The following MALRD1 variants were observed in gnomAD, a reference collection of about 807,000 sequenced individuals.
MALRD1 encodes MAM and LDL receptor class A domain containing 1, also known as MAM and LDL-receptor class A domain-containing protein 1.
MALRD1 carries 247 observed loss-of-function variants against 242.1 expected under a neutral mutation model. The observed-to-expected ratio is 1.02, with a 90% CI of 0.92 to 1.13. The LOEUF (loss-of-function observed/expected upper bound fraction) is 1.13. MALRD1 is among the 50% of genes most tolerant of loss of function. The pLI, the probability that MALRD1 is intolerant of heterozygous loss-of-function variation, is 0.00. For missense variants in MALRD1, 2,989 were observed against 2,533.1 expected (o/e 1.18, Z -3.86); for synonymous variants, 995 against 866.6 (o/e 1.15, Z -2.60).
chr10:19,318,910 A>G (rs1303060684), intron 21 of MALRD1, among the ~76,000 whole-genome samples: 1 of 151,984 alleles, frequency 6.6e-6, no homozygotes, highest in East Asian at 1.9e-4. Flanking sequence ...GGGATATTTT[A>G]TCCAGTTCTA....
rs536451467 is a variant in MALRD1, at chr10:19,124,688, A to T, written c.943+18A>T. The T allele has an allele frequency of 2.1e-5, 26 of 1,232,954 alleles. No individual in the cohort carries two copies. The African/African-American group carries it at 3.6e-4, about 17-fold the overall frequency. The allele number at this position is 1,232,954 out of a possible 1,614,324, so 76.4% of individuals were successfully genotyped here. On this transcript the variant is annotated intron_variant, in intron 7 of 39. Coordinates refer to ENST00000454679, the MANE Select transcript of MALRD1 (RefSeq NM_001142308.3). ...TGATGAAGGTAGAAAAAAAAATAAT[A>T]TCTTTTATGTATTACTTTCAGAATT...
At chr10:19,118,847 G>A (rs867101044) in intron 5 of MALRD1, among the ~76,000 whole-genome samples, 18 of 152,244 alleles carry the variant, frequency 1.2e-4, no homozygotes, top group South Asian at 1.0e-3. Context: ...GAGGAAAGAG[G>A]CCTTGGTTTA....
intron 5 of MALRD1, among the ~76,000 whole-genome samples, chr10:19,117,446 G>GTTT (rs57094687): frequency 6.9e-6 from 1 of 144,156 alleles, no homozygotes; most frequent in South Asian, 2.2e-4. Context: ...GTACTTCTGG[G>GTTT]TTTTTTTTTT....
Position 19,171,681 on chromosome 10 carries a change from C to CAT in MALRD1, c.1831-3522_1831-3521dup, listed in dbSNP as rs1453637764. On this transcript the variant is annotated intron_variant, in intron 13 of 39. Transcript: ENST00000454679. ...GTCTATGTGTGTATATAAATACACA[C>CAT]ATATATGTGTGTATGTGTGTGTATA... Among the ~76,000 whole-genome samples the CAT allele has an allele frequency of 1.2e-4, 17 of 138,166 alleles. 1 individual carries two copies. The South Asian group carries it at 3.1e-3, about 25-fold the overall frequency. 90.6% of individuals were successfully genotyped at this position (138,166 alleles called of 152,430 possible).
intron 18 of MALRD1, among the ~76,000 whole-genome samples, chr10:19,240,594 C>T (rs1257839183): frequency 6.6e-6 from 1 of 152,020 alleles, no homozygotes; most frequent in African/African-American, 2.4e-5. Context: ...CTCTGACCTC[C>T]AGTACTATGC....
At chr10:19,668,185 C>T (rs1841760655) in intron 36 of MALRD1, among the ~76,000 whole-genome samples, 1 of 152,162 alleles carries the variant, frequency 6.6e-6, no homozygotes. Context: ...TTCCCATTTT[C>T]ATATTTATTG....
chr10:19,474,015 G>A (rs954355188), intron 29 of MALRD1, among the ~76,000 whole-genome samples: 3 of 151,888 alleles, frequency 2.0e-5, no homozygotes, highest in Non-Finnish European at 4.4e-5. Flanking sequence ...TTTTTTCGTA[G>A]TAGTCATTCC....
intron 28 of MALRD1, among the ~76,000 whole-genome samples, chr10:19,429,430 G>GT (rs1414086881): frequency 6.6e-6 from 1 of 152,110 alleles, no homozygotes; most frequent in Non-Finnish European, 1.5e-5. Context: ...CGGGCGTGGT[G>GT]GTGCACACCT....
In MALRD1 at chr10:19,568,921, G is replaced by A. The variant is rs145602604; in HGVS notation, c.5680+1218G>A. ...GCACATGTTAGTACATTTATTTATC[G>A]GCACACCTCTGTAGATTCTAGATAC... On this transcript the variant is annotated intron_variant, in intron 33 of 39. Coordinates refer to ENST00000454679, the MANE Select transcript of MALRD1 (RefSeq NM_001142308.3). Among the ~76,000 whole-genome samples, 45 of 151,886 alleles carry A rather than the reference G, an allele frequency of 3.0e-4. No homozygotes were observed. The East Asian group carries it at 7.2e-3, about 24-fold the overall frequency.
chr10:19,445,872 T>C (rs1361561080), intron 28 of MALRD1, among the ~76,000 whole-genome samples: 6 of 152,216 alleles, frequency 3.9e-5, no homozygotes, highest in African/African-American at 1.4e-4. Flanking sequence ...CTGCCTTTTG[T>C]TCAGCTATGC....
intron 28 of MALRD1, among the ~76,000 whole-genome samples, chr10:19,394,642 G>A (rs1163115404): frequency 3.3e-5 from 5 of 152,116 alleles, no homozygotes; most frequent in South Asian, 2.1e-4. Flanking sequence ...TCCTCTGCAC[G>A]CATATTCACC....
intron 33 of MALRD1, among the ~76,000 whole-genome samples, chr10:19,584,672 G>A (rs1272124592): frequency 6.6e-6 from 1 of 151,694 alleles, no homozygotes; most frequent in South Asian, 2.1e-4. Context: ...GAATAGGTGT[G>A]GTGTGGTGCT....
At position 19,360,078 on chromosome 10, in the gene MALRD1, TATTATA is replaced by T. The variant is rs564886548; in HGVS notation, c.4441+7790_4441+7795del. Among the ~76,000 whole-genome samples, 57 of 152,206 alleles carry T rather than the reference TATTATA, an allele frequency of 3.7e-4. No homozygotes were observed. In the South Asian group the frequency reaches 0.011, roughly 29 times the overall value. On this transcript the variant is annotated intron_variant, in intron 26 of 39. Transcript: ENST00000454679. ...TTAAAAAGAGAAAAATTAAAATAATTATTATAATTATAATGGGAAATTGCCTCTAGG... is the reference window on the plus strand; with the variant it reads ...TTAAAAAGAGAAAAATTAAAATAATTATTATAATGGGAAATTGCCTCTAGG...
chr10:19,704,128 A>AT (rs34258741), intron 38 of MALRD1, among the ~76,000 whole-genome samples: 67,079 of 151,482 alleles, frequency 0.44, 15,022 homozygotes, highest in Non-Finnish European at 0.47. Flanking sequence ...AAAAATCAGA[A>AT]TTTTTTTTTA....
chr10:19,294,464 T>G (rs922873036), intron 21 of MALRD1, among the ~76,000 whole-genome samples: 2 of 152,182 alleles, frequency 1.3e-5, no homozygotes, highest in Admixed American at 6.6e-5. Context: ...TTTTATTGCC[T>G]AAAAGATTCA....
chr10:19,474,760 A>G (rs1564372865), intron 29 of MALRD1, among the ~76,000 whole-genome samples: 2 of 152,178 alleles, frequency 1.3e-5, no homozygotes, highest in South Asian at 2.1e-4. Flanking sequence ...AGAACTTTCA[A>G]CATTTCCTAT....
At chr10:19,235,075 G>T (rs949351666) in intron 18 of MALRD1, among the ~76,000 whole-genome samples, 1 of 152,162 alleles carries the variant, frequency 6.6e-6, no homozygotes, top group Non-Finnish European at 1.5e-5. Flanking sequence ...CCAGATCAAG[G>T]ATATCTCAGA....
At position 19,205,168 on chromosome 10, in the gene MALRD1, T is replaced by A. The variant is rs1836730694; in HGVS notation, c.2481T>A (p.Asp827Glu). ...CTGCTGAGAGCTGTGAAGGGCTGGA[T>A]CATTTCTGGTGTCGCCACACCAGGG... Reference protein sequence around the residue: ...PLPAESCEGLDHFWCRHTRAC... With the variant: ...PLPAESCEGLEHFWCRHTRAC... Residue 827 changes from aspartate to glutamate, a missense_variant, in exon 17 of 40, where the codon GAT (aspartate) becomes GAA (glutamate). Asp to Glu is a conservative substitution (Grantham distance 45). Coordinates refer to ENST00000454679, the MANE Select transcript of MALRD1 (RefSeq NM_001142308.3). 2 of 1,550,964 alleles carry A rather than the reference T, an allele frequency of 1.3e-6. No homozygotes were observed. The highest frequency in any genetic ancestry group is 4.9e-5 in the East Asian group (2 of 40,906).
chr10:19,406,432 T>A (rs1482372205), intron 28 of MALRD1, among the ~76,000 whole-genome samples: 1 of 152,130 alleles, frequency 6.6e-6, no homozygotes, highest in South Asian at 2.1e-4. Flanking sequence ...TCACACATTG[T>A]CTGTTTGGAT....
Sources: gnomAD v4.1 joint callset for allele counts (sites outside exome capture counted in the v4.1 genomes callset) on GRCh38, gnomAD v4.1.1 for gene constraint, MANE v1.5 for transcripts, NCBI Gene and HGNC (gene_info 2026-07-23, HGNC 2026-07-21) for gene names.